The following CACNG7 variants were observed in gnomAD, a reference collection of about 807,000 sequenced individuals.
CACNG7 encodes the protein calcium voltage-gated channel auxiliary subunit gamma 7.
Under a neutral mutation model 26.3 loss-of-function variants are expected in CACNG7, and 9 were observed. The observed-to-expected ratio is 0.34, with a 90% CI of 0.21 to 0.60. The LOEUF is 0.60. Ranked by LOEUF, CACNG7 falls within the 20% of genes least tolerant of loss-of-function variation. The pLI, the probability that CACNG7 is intolerant of heterozygous loss-of-function variation, is 0.81. For missense variants in CACNG7, 297 were observed against 380.4 expected (o/e 0.78, Z 1.82); for synonymous variants, 170 against 157.0 (o/e 1.08, Z -0.62).
In CACNG7 at chr19:53,939,879, C is replaced by T. The variant is rs893708897; in HGVS notation, c.425-1591C>T. Among the ~76,000 whole-genome samples, 3 of 152,012 alleles carry T rather than the reference C, an allele frequency of 2.0e-5. No individual in the cohort carries two copies. The highest frequency in any genetic ancestry group is 7.3e-5 in the African/African-American group (3 of 41,360). Reference sequence around the variant, plus strand: ...TGAAATTCATATACTTTTTATGTGCCACAAAATACCAGTCTTGTTTTGATT... The same window carrying T: ...TGAAATTCATATACTTTTTATGTGCTACAAAATACCAGTCTTGTTTTGATT... On this transcript the variant is annotated intron_variant, in intron 4 of 5. Transcript: ENST00000391767. The surrounding 1 kb of genome is among the most constrained non-coding windows in gnomAD (Gnocchi z 4.2).
At chr19:53,921,024 G>GC (rs1555810485) in intron 4 of CACNG7, among the ~76,000 whole-genome samples, 22 of 74,996 alleles carry the variant, frequency 2.9e-4, no homozygotes, top group African/African-American at 1.9e-3. Context: ...GTTGCCCCAG[G>GC]CTGGTCATTG....
At position 53,940,611 on chromosome 19, in the gene CACNG7, A is replaced by G. The variant is rs149786116; in HGVS notation, c.425-859A>G. On this transcript the variant is annotated intron_variant, in intron 4 of 5. Transcript: ENST00000391767. This position sits in a 1 kb window ranked among gnomAD's most constrained non-coding sequence, Gnocchi z 4.1. The stretch of plus-strand genomic sequence containing the variant: ...CTGGGCCCGGCATTCGAGGCTCACC[A>G]TGGCTATACCTTCCCCTTTCTCTAA... Among the ~76,000 whole-genome samples, 1 of 152,136 alleles carries G rather than the reference A, an allele frequency of 6.6e-6. No individual in the cohort carries two copies. Among genetic ancestry groups the G allele is most frequent in the East Asian group, 1.9e-4 (1 of 5,158 alleles).
chr19:53,913,443 G>A (rs1388314377), intron 2 of CACNG7, among the ~76,000 whole-genome samples: 2 of 152,058 alleles, frequency 1.3e-5, no homozygotes, highest in Non-Finnish European at 2.9e-5. Context: ...CCGACATGGT[G>A]AAACCCCGTC....
Position 53,942,415 on chromosome 19 carries a change from A to G in CACNG7, c.*122A>G, listed in dbSNP as rs2069144530. 2.7e-6 allele frequency: 4 copies of G among 1,502,630 alleles called. No individual in the cohort carries two copies. Among genetic ancestry groups the G allele is most frequent in the Non-Finnish European group, 2.7e-6 (3 of 1,130,756 alleles). The allele number at this position is 1,502,630 out of a possible 1,614,324, so 93.1% of individuals were successfully genotyped here. On this transcript the variant is annotated 3_prime_UTR_variant, in exon 6 of 6. Transcript: ENST00000391767. The surrounding 1 kb of genome is among the most constrained non-coding windows in gnomAD (Gnocchi z 5.9). ...GCTCCCACCCGGAGGAGGCTGCGCC[A>G]GCTTTAGGCCCCGCCCTCCTCCCAA... is the stretch of plus-strand genomic sequence containing the variant.
At chr19:53,911,800 G>T (rs1220717614) in intron 1 of CACNG7, among the ~76,000 whole-genome samples, 1 of 152,144 alleles carries the variant, frequency 6.6e-6, no homozygotes, top group Non-Finnish European at 1.5e-5. Context: ...TCTTAAATTG[G>T]GGTATCAAAT....
At chr19:53,941,222 T>A (rs2069135542) in intron 4 of CACNG7, among the ~76,000 whole-genome samples, 1 of 152,150 alleles carries the variant, frequency 6.6e-6, no homozygotes, top group Non-Finnish European at 1.5e-5. Flanking sequence ...ACTTAATCAG[T>A]GTGTTCCTAT....
At chr19:53,928,690 A>G (rs1599991573) in intron 4 of CACNG7, among the ~76,000 whole-genome samples, 1 of 152,224 alleles carries the variant, frequency 6.6e-6, no homozygotes, top group African/African-American at 2.4e-5. Flanking sequence ...CTGGAACGAC[A>G]GGCTGACTTG....
intron 4 of CACNG7, among the ~76,000 whole-genome samples, chr19:53,922,523 A>G (rs75775476): frequency 2.9e-5 from 2 of 68,376 alleles, no homozygotes; most frequent in African/African-American, 9.9e-5. Flanking sequence ...TCATTGGTGG[A>G]GTTGTCCCAG....
chr19:53,916,489 T>TC (rs2068898752), intron 4 of CACNG7, among the ~76,000 whole-genome samples: 1 of 131,266 alleles, frequency 7.6e-6, no homozygotes, highest in African/African-American at 2.9e-5. Context: ...CTTTCTTTCT[T>TC]TTTTTTTTTT....
chr19:53,918,136 G>GT (rs2068910508), intron 4 of CACNG7, among the ~76,000 whole-genome samples: 1 of 152,238 alleles, frequency 6.6e-6, no homozygotes. Context: ...GCCACATGTT[G>GT]TAAACCTAGG....
At chr19:53,914,442 A>T in intron 2 of CACNG7, 58 bp from the exon 3 acceptor site, 1 of 1,473,148 alleles carries the variant, frequency 6.8e-7, no homozygotes, top group Admixed American at 1.7e-5. Flanking sequence ...CCCCACCCCC[A>T]GCCTCTCTAG....
At chr19:53,930,563 C>T (rs1008819183) in intron 4 of CACNG7, among the ~76,000 whole-genome samples, 26 of 152,194 alleles carry the variant, frequency 1.7e-4, no homozygotes, top group African/African-American at 5.8e-4. Flanking sequence ...TTAGTAGAGA[C>T]GGGGTTTCAC....
intron 2 of CACNG7, 65 bp from the exon 3 acceptor site, chr19:53,914,435 C>T: frequency 7.1e-7 from 1 of 1,413,874 alleles, no homozygotes; most frequent in Non-Finnish European, 9.9e-7. Context: ...GTCCTGCCCC[C>T]ACCCCCAGCC....
At chr19:53,931,758 A>ATT (rs2069074001) in intron 4 of CACNG7, among the ~76,000 whole-genome samples, 1 of 132,186 alleles carries the variant, frequency 7.6e-6, no homozygotes, top group African/African-American at 2.8e-5. Context: ...AACAACGCTG[A>ATT]CTTTTTTTTT....
chr19:53,937,576 T>C (rs2069112642), intron 4 of CACNG7, among the ~76,000 whole-genome samples: 27 of 79,982 alleles, frequency 3.4e-4, no homozygotes, highest in African/African-American at 4.2e-4. Flanking sequence ...CCCCTTCCCT[T>C]CCCTCCCCTC....
At chr19:53,927,981 C>T (rs540376470) in intron 4 of CACNG7, among the ~76,000 whole-genome samples, 2 of 150,764 alleles carry the variant, frequency 1.3e-5, no homozygotes, top group East Asian at 2.0e-4. Context: ...CTCTTGCCTA[C>T]TGTGCTTTAA....
chr19:53,922,187 C>CATTGGTGGAGTTGTCCCAGGTCTGGT (rs2068964249), intron 4 of CACNG7, among the ~76,000 whole-genome samples: 1 of 108,898 alleles, frequency 9.2e-6, no homozygotes, highest in East Asian at 3.6e-4. Context: ...CCAGGCTGGT[C>CATTGGTGGAGTTGTCCCAGGTCTGGT]ATTGGTGGAG....
At chr19:53,915,267 CAA>C in intron 3 of CACNG7, 96 bp from the exon 4 acceptor site, 1 of 899,250 alleles carries the variant, frequency 1.1e-6, no homozygotes, top group Non-Finnish European at 1.8e-6. Flanking sequence ...AGGAGCCAAA[CAA>C]AAACGCAGAG....
intron 4 of CACNG7, among the ~76,000 whole-genome samples, chr19:53,916,194 T>G (rs2145899111): frequency 6.6e-6 from 1 of 152,376 alleles, no homozygotes; most frequent in African/African-American, 2.4e-5. Flanking sequence ...TACGTCATCG[T>G]ACACGTGATT....
Sources: allele counts gnomAD v4.1 joint callset (sites outside exome capture counted in the v4.1 genomes callset), GRCh38; gene constraint gnomAD v4.1.1; non-coding constraint Gnocchi (gnomAD v3.1); transcripts MANE v1.5; gene names NCBI Gene and HGNC (gene_info 2026-07-23, HGNC 2026-07-21).